The following RAB37 variants were observed in gnomAD, a reference collection of about 807,000 sequenced individuals.
RAB37 encodes the protein RAB37, member RAS oncogene family.
In RAB37, 29 loss-of-function variants were observed where a neutral mutation model predicts 33.1. The observed-to-expected ratio is 0.88, with a 90% CI of 0.65 to 1.20. RAB37 has a LOEUF of 1.20. Ranked by LOEUF, RAB37 falls within the 50% of genes most tolerant of loss-of-function variation. RAB37 has a pLI of 0.00. For synonymous variants in RAB37, 128 were observed against 119.5 expected, an observed-to-expected ratio of 1.07 and a Z score of -0.47; for missense variants, 299 against 301.1, an observed-to-expected ratio of 0.99 and a Z score of 0.05.
At chr17:74,724,590 C>T (rs1195869420) in intron 1 of RAB37, among the ~76,000 whole-genome samples, 4 of 152,126 alleles carry the variant, frequency 2.6e-5, no homozygotes, top group Non-Finnish European at 5.9e-5. Context: ...AGGCTGAATC[C>T]GAAAAGAGAG....
At chr17:74,700,951 A>T (rs1209989109) in intron 1 of RAB37, among the ~76,000 whole-genome samples, 2 of 96,182 alleles carry the variant, frequency 2.1e-5, no homozygotes, top group African/African-American at 5.0e-5. Flanking sequence ...GACTGGTGTC[A>T]TTAGAAGAGA....
intron 1 of RAB37, among the ~76,000 whole-genome samples, chr17:74,686,096 T>C (rs967352253): frequency 2.6e-5 from 4 of 152,114 alleles, no homozygotes; most frequent in African/African-American, 9.7e-5. Flanking sequence ...TATCTTGTTA[T>C]ATTTTTTTTT....
intron 1 of RAB37, among the ~76,000 whole-genome samples, chr17:74,720,886 G>A (rs780026169): frequency 2.0e-5 from 3 of 152,152 alleles, no homozygotes; most frequent in Non-Finnish European, 4.4e-5. Context: ...GGCTCTCAGT[G>A]GAAGGGGAGC....
At chr17:74,698,540 A>G in intron 1 of RAB37, 4 of 1,554,446 alleles carry the variant, frequency 2.6e-6, no homozygotes, top group Non-Finnish European at 3.5e-6. Flanking sequence ...TCTCAGCCCA[A>G]TCCCACCCAC....
chr17:74,718,457 C>G (rs2034197447), intron 1 of RAB37, among the ~76,000 whole-genome samples: 1 of 152,066 alleles, frequency 6.6e-6, no homozygotes, highest in Admixed American at 6.6e-5. Flanking sequence ...AATAGAGCAC[C>G]TGTCATCTTT....
chr17:74,728,351 T>C (rs1193692345), intron 1 of RAB37, among the ~76,000 whole-genome samples: 2 of 151,578 alleles, frequency 1.3e-5, no homozygotes, highest in Non-Finnish European at 2.9e-5. Flanking sequence ...CTATGTGTAT[T>C]TGTGTTTGTG....
chr17:74,709,116 C>G (rs1047528990), intron 1 of RAB37, among the ~76,000 whole-genome samples: 9 of 149,998 alleles, frequency 6.0e-5, no homozygotes, highest in Admixed American at 5.3e-4. Flanking sequence ...CCCAGCTGCT[C>G]GGGAGGCTGA....
chr17:74,706,882 T>C (rs149967200), intron 1 of RAB37, among the ~76,000 whole-genome samples: 1,956 of 152,014 alleles, frequency 0.013, 38 homozygotes, highest in Middle Eastern at 0.031. Context: ...GAACACACAA[T>C]GGGGAAAGGA....
chr17:74,735,131 GAA>G (rs2034455675), upstream of RAB37, among the ~76,000 whole-genome samples: 1 of 139,592 alleles, frequency 7.2e-6, no homozygotes, highest in African/African-American at 2.7e-5. Flanking sequence ...AAGAAAGAAA[GAA>G]GAGAGAGAGA....
chr17:74,734,232 T>C (rs2034433884), upstream of RAB37, among the ~76,000 whole-genome samples: 1 of 152,224 alleles, frequency 6.6e-6, no homozygotes, highest in Non-Finnish European at 1.5e-5. Context: ...ATTCCTTGGC[T>C]TGCAGCCACA....
chr17:74,695,477 C>T (rs898744045), intron 1 of RAB37, among the ~76,000 whole-genome samples: 3 of 152,168 alleles, frequency 2.0e-5, no homozygotes, highest in Admixed American at 2.0e-4. Flanking sequence ...CTGTGGAATC[C>T]CAAGTCACTC....
intron 1 of RAB37, among the ~76,000 whole-genome samples, chr17:74,728,749 T>A (rs1415679317): frequency 6.6e-6 from 1 of 152,034 alleles, no homozygotes; most frequent in Non-Finnish European, 1.5e-5. Flanking sequence ...TGTTTTTCTG[T>A]GTCTGTATGT....
At position 74,712,828 on chromosome 17, in the gene RAB37, G is replaced by A; in HGVS notation, c.73-16428G>A. 3 of 1,614,012 alleles carry A rather than the reference G, an allele frequency of 1.9e-6. No individual in the cohort carries two copies. The South Asian group carries it at 3.3e-5, about 18-fold the overall frequency. On this transcript the variant is annotated intron_variant, in intron 1 of 7. Transcript: ENST00000340415. The stretch of plus-strand genomic sequence containing the variant: ...GACAGACCCAGGCCCGCTCACCTGA[G>A]AGCCAGAAGAGGAGCAGGTAGAGTG...
At chr17:74,686,605 G>T (rs2032059820) in intron 1 of RAB37, among the ~76,000 whole-genome samples, 1 of 151,988 alleles carries the variant, frequency 6.6e-6, no homozygotes, top group African/African-American at 2.4e-5. Flanking sequence ...TGTTAGCCAG[G>T]CTGGTCTCTA....
chr17:74,744,843 T>TC lies in RAB37; in HGVS notation c.433-26dup, dbSNP rs771170043. 6.2e-7 allele frequency: 1 copy of TC among 1,613,758 alleles called. No homozygotes were observed. The highest frequency in any genetic ancestry group is 1.1e-5 in the South Asian group (1 of 91,074). The stretch of plus-strand genomic sequence containing the variant: ...GGGCCCGCTGGGGCGGAGGCCTCCT[T>TC]CCCCAGAGTGACCCATTTGGGCTTG... On this transcript the variant is annotated intron_variant, in intron 6 of 8. Transcript: ENST00000392613. The surrounding 1 kb of genome is among the most constrained non-coding windows in gnomAD (Gnocchi z 4.2).
chr17:74,720,325 C>A (rs2034222400), intron 1 of RAB37, among the ~76,000 whole-genome samples: 1 of 152,158 alleles, frequency 6.6e-6, no homozygotes, highest in Non-Finnish European at 1.5e-5. Context: ...TGGCTCACGA[C>A]TGTAATGCCA....
At chr17:74,727,471 T>C (rs1287282776) in intron 1 of RAB37, among the ~76,000 whole-genome samples, 3 of 152,206 alleles carry the variant, frequency 2.0e-5, no homozygotes, top group Non-Finnish European at 4.4e-5. Context: ...TGGAGGGTTG[T>C]GCAAGGCCAT....
At chr17:74,672,639 T>C (rs2031731724) in intron 1 of RAB37, 2 of 152,202 alleles carry the variant, frequency 1.3e-5, no homozygotes, top group Non-Finnish European at 2.9e-5. Flanking sequence ...AGCTGGTAAA[T>C]GGCAGAGCTG....
chr17:74,734,954 AAG>A (rs1213055930), upstream of RAB37, among the ~76,000 whole-genome samples: 8 of 142,512 alleles, frequency 5.6e-5, no homozygotes, highest in South Asian at 2.2e-4. Context: ...GAAAGAGAGA[AAG>A]AAGAAAGAAA....
Sources: gnomAD v4.1 joint callset for allele counts (sites outside exome capture counted in the v4.1 genomes callset) on GRCh38, gnomAD v4.1.1 for gene constraint, Gnocchi (gnomAD v3.1) non-coding constraint, MANE v1.5 for transcripts, NCBI Gene and HGNC (gene_info 2026-07-23, HGNC 2026-07-21) for gene names.